Variants in NR3C2 observed in about 807,000 individuals in gnomAD.
NR3C2 encodes the protein mineralocorticoid receptor.
NR3C2 carries 15 observed loss-of-function variants against 86.4 expected under a neutral mutation model. The ratio of observed to expected loss-of-function variants is 0.17; its 90% confidence interval spans 0.12 to 0.27. The LOEUF (loss-of-function observed/expected upper bound fraction) is 0.27. Ranked by LOEUF, NR3C2 falls within the 10% of genes least tolerant of loss-of-function variation. The pLI is 1.00. For missense variants in NR3C2, 960 were observed against 1,195.6 expected (o/e 0.80, Z 2.91); for synonymous variants, 458 against 450.5 (o/e 1.02, Z -0.21).
intron 2 of NR3C2, among the ~76,000 whole-genome samples, chr4:148,293,003 T>G (rs2149910503): frequency 6.6e-6 from 1 of 152,200 alleles, no homozygotes; most frequent in Non-Finnish European, 1.5e-5. Flanking sequence ...CTACAATACT[T>G]AGAGCTTTTG....
intron 3 of NR3C2, among the ~76,000 whole-genome samples, chr4:148,220,384 A>G (rs1579029590): frequency 6.6e-6 from 1 of 152,152 alleles, no homozygotes; most frequent in South Asian, 2.1e-4. Context: ...CACTGCATCC[A>G]GCCAGATCTT....
At chr4:148,353,088 T>C (rs997269037) in intron 2 of NR3C2, among the ~76,000 whole-genome samples, 1 of 152,126 alleles carries the variant, frequency 6.6e-6, no homozygotes, top group Non-Finnish European at 1.5e-5. Context: ...TTTACAAAAT[T>C]AGAAGGATCT....
chr4:148,173,167 G>T (rs553483501), intron 4 of NR3C2, among the ~76,000 whole-genome samples: 1 of 152,296 alleles, frequency 6.6e-6, no homozygotes, highest in South Asian at 2.1e-4. Context: ...GAATGAGGTG[G>T]GTGACAGAGT....
intron 8 of NR3C2, among the ~76,000 whole-genome samples, chr4:148,109,182 A>G (rs1039733657): frequency 7.2e-5 from 11 of 152,096 alleles, no homozygotes; most frequent in African/African-American, 1.4e-4. Context: ...GAAGTTTTCC[A>G]TGACTCCTGC....
In NR3C2 at chr4:148,141,521, G is replaced by T. The variant is rs185582928; in HGVS notation, c.2510+10948C>A. Among the ~76,000 whole-genome samples, 165 of 151,624 alleles carry T rather than the reference G, an allele frequency of 1.1e-3. 1 individual carries two copies. The highest frequency in any genetic ancestry group is 2.0e-3 in the Non-Finnish European group (135 of 67,892). On this transcript the variant is annotated intron_variant, in intron 6 of 8. Transcript: ENST00000358102. ...TAACAAGCATATTTTCTGTACTCTA[G>T]GTATTTACAGTATATCTGGAGTAAA...
intron 8 of NR3C2, among the ~76,000 whole-genome samples, chr4:148,104,564 C>T (rs1369230290): frequency 6.6e-6 from 1 of 152,050 alleles, no homozygotes; most frequent in African/African-American, 2.4e-5. Context: ...CTTTGAATCT[C>T]GATCTCTCGA....
At chr4:148,431,536 G>GT (rs1340458844) in intron 2 of NR3C2, among the ~76,000 whole-genome samples, 2 of 152,164 alleles carry the variant, frequency 1.3e-5, no homozygotes, top group East Asian at 3.9e-4. Flanking sequence ...TAGGTCCGGC[G>GT]TCCATTCTAA....
intron 4 of NR3C2, among the ~76,000 whole-genome samples, chr4:148,186,842 A>G (rs369187014): frequency 8.0e-5 from 12 of 150,638 alleles, no homozygotes; most frequent in African/African-American, 2.9e-4. Context: ...TAGCTCCCAC[A>G]TACCAGTGAC....
intron 3 of NR3C2, among the ~76,000 whole-genome samples, chr4:148,206,275 C>G (rs1737002377): frequency 6.6e-6 from 1 of 152,194 alleles, no homozygotes; most frequent in African/African-American, 2.4e-5. Context: ...ACCCACTCAT[C>G]CAAATGAGAA....
intron 2 of NR3C2, among the ~76,000 whole-genome samples, chr4:148,423,181 G>A (rs893025021): frequency 2.7e-5 from 4 of 150,684 alleles, no homozygotes; most frequent in Admixed American, 6.6e-5. Flanking sequence ...TTTCTCCTTC[G>A]CTTACCAGAT....
chr4:148,272,313 G>A (rs1740727165), intron 2 of NR3C2, among the ~76,000 whole-genome samples: 1 of 152,102 alleles, frequency 6.6e-6, no homozygotes, highest in African/African-American at 2.4e-5. Context: ...TTGAAAGCAA[G>A]AAAAATCAAA....
chr4:148,277,853 G>A (rs1741034664), intron 2 of NR3C2, among the ~76,000 whole-genome samples: 1 of 152,034 alleles, frequency 6.6e-6, no homozygotes, highest in South Asian at 2.1e-4. Flanking sequence ...AAAGCCAAAT[G>A]CACAGGCCAA....
Position 148,435,824 on chromosome 4 carries a change from G to C in NR3C2, c.1037C>G (p.Ser346Cys), listed in dbSNP as rs1367228054. Reference sequence around the variant, plus strand: ...TGTACTGGATCCAGCAGAGGTGCCAGAAGCAGTGTAGCTGAAGGCATTGTT... The same window carrying C: ...TGTACTGGATCCAGCAGAGGTGCCACAAGCAGTGTAGCTGAAGGCATTGTT... Reference protein sequence around the residue: ...PVNNAFSYTASGTSAGSSTLR... With the variant: ...PVNNAFSYTACGTSAGSSTLR... The change falls in exon 2 of 9, where the codon TCT becomes TGT. Residue 346 changes from serine (S) to cysteine (C), a missense_variant. Around this residue, in one of 4 missense-constraint regions of NR3C2, gnomAD observed 680 missense variants for 719.0 expected, o/e 0.95. Coordinates refer to ENST00000358102, the MANE Select transcript of NR3C2 (RefSeq NM_000901.5). 6.2e-7 allele frequency: 1 copy of C among 1,614,218 alleles called. No individual in the cohort carries two copies. Among genetic ancestry groups the C allele is most frequent in the Non-Finnish European group, 8.5e-7 (1 of 1,180,048 alleles).
intron 7 of NR3C2, 99 bp from the exon 8 acceptor site, chr4:148,114,360 A>C: frequency 8.0e-7 from 1 of 1,245,868 alleles, no homozygotes; most frequent in Admixed American, 1.9e-5. Flanking sequence ...TTAGATACTA[A>C]ATCTCAATTA....
intron 2 of NR3C2, among the ~76,000 whole-genome samples, chr4:148,349,366 T>C (rs1044989696): frequency 3.3e-5 from 5 of 152,140 alleles, no homozygotes; most frequent in African/African-American, 1.2e-4. Context: ...TTATGTCTCT[T>C]GTACTATAAC....
rs539458792 is a variant in NR3C2 at position 148,261,319 on chromosome 4, G to A, written c.1758-1202C>T. On this transcript the variant is annotated intron_variant, in intron 2 of 8. Coordinates refer to ENST00000358102, the MANE Select transcript of NR3C2 (RefSeq NM_000901.5). ...AGTGCTATGGTGCGCTATGGTAAGCGCTATGGTGCGCTATGGTAAGCCCTA... is the reference window on the plus strand; with the variant it reads ...AGTGCTATGGTGCGCTATGGTAAGCACTATGGTGCGCTATGGTAAGCCCTA... Among the ~76,000 whole-genome samples the A allele has an allele frequency of 6.1e-5, 9 of 147,054 alleles. No individual in the cohort carries two copies. The East Asian group carries it at 1.7e-3, about 27-fold the overall frequency.
chr4:148,278,409 G>A (rs1181859489), intron 2 of NR3C2, among the ~76,000 whole-genome samples: 5 of 151,998 alleles, frequency 3.3e-5, no homozygotes, highest in East Asian at 1.9e-4. Context: ...CCAGAATCAC[G>A]TTTTGAAATA....
At chr4:148,081,528 C>CG in intron 8 of NR3C2, 29 bp from the exon 9 acceptor site, 1 of 1,610,698 alleles carries the variant, frequency 6.2e-7, no homozygotes, top group African/African-American at 1.3e-5. Context: ...GGGCATGACA[C>CG]GGGGGCCTCC....
chr4:148,243,761 C>T (rs1343810795), intron 3 of NR3C2, among the ~76,000 whole-genome samples: 2 of 152,242 alleles, frequency 1.3e-5, no homozygotes, highest in East Asian at 1.9e-4. Context: ...AACGTGCAGC[C>T]GCTATGATTT....
Sources: gnomAD v4.1 joint callset for allele counts (sites outside exome capture counted in the v4.1 genomes callset) on GRCh38, gnomAD v4.1.1 for gene constraint, gnomAD v4.1.1 regional missense constraint, MANE v1.5 for transcripts, NCBI Gene and HGNC (gene_info 2026-07-23, HGNC 2026-07-21) for gene names.